The following RIMS1 variants were observed in gnomAD, a reference collection of about 807,000 sequenced individuals.
RIMS1 encodes the protein regulating synaptic membrane exocytosis protein 1.
In RIMS1, 83 loss-of-function variants were observed where a neutral mutation model predicts 214.1. That is an observed-to-expected ratio of 0.39 (90% CI 0.32 to 0.47). RIMS1 has a LOEUF of 0.47. Ranked by LOEUF, RIMS1 falls within the 20% of genes least tolerant of loss-of-function variation. The probability of loss-of-function intolerance (pLI) is 0.99; values close to 1 mark genes in which losing one functional copy is unlikely to be tolerated. For synonymous variants in RIMS1, 793 were observed against 786.8 expected, an observed-to-expected ratio of 1.01 and a Z score of -0.13; for missense variants, 2,050 against 2,161.8, an observed-to-expected ratio of 0.95 and a Z score of 1.03.
chr6:71,917,887 T>C (rs563001282), intron 1 of RIMS1, among the ~76,000 whole-genome samples: 72 of 152,294 alleles, frequency 4.7e-4, no homozygotes, highest in African/African-American at 1.7e-3. Context: ...GTCTATGATG[T>C]TTCCACTTTG....
intron 6 of RIMS1, among the ~76,000 whole-genome samples, chr6:72,183,423 A>G (rs2048631610): frequency 2.0e-5 from 3 of 152,328 alleles, no homozygotes; most frequent in Non-Finnish European, 2.9e-5. Flanking sequence ...TATGCAGTCT[A>G]ATATTTTTAA....
chr6:71,951,481 T>TTTCTTTTTC (rs1287207574), intron 1 of RIMS1, among the ~76,000 whole-genome samples: 5 of 112,672 alleles, frequency 4.4e-5, no homozygotes, highest in African/African-American at 1.2e-4. Flanking sequence ...TCTTTTTCTT[T>TTTCTTTTTC]TTTTTTTTTT....
intron 23 of RIMS1, among the ~76,000 whole-genome samples, chr6:72,282,344 C>A (rs563237390): frequency 7.2e-5 from 11 of 152,078 alleles, no homozygotes; most frequent in African/African-American, 2.7e-4. Flanking sequence ...TCCCAACAAC[C>A]ATGTCTCATT....
At chr6:71,927,520 C>T (rs943783911) in intron 1 of RIMS1, among the ~76,000 whole-genome samples, 4 of 152,036 alleles carry the variant, frequency 2.6e-5, no homozygotes, top group African/African-American at 9.7e-5. Flanking sequence ...AGACAAAATT[C>T]GTTGAAATTC....
intron 4 of RIMS1, among the ~76,000 whole-genome samples, chr6:72,139,075 C>T (rs905904008): frequency 2.0e-4 from 31 of 152,138 alleles, no homozygotes; most frequent in African/African-American, 3.9e-4. Flanking sequence ...GATACACACA[C>T]GTAGGTATAC....
chr6:72,245,806 TTC>T lies in RIMS1; in HGVS notation c.2082-7_2082-6del, dbSNP rs762520799. ...TAATGGGATTTTCACCATATCCTGT[TTC>T]TTTTAGTGACATTCCCCGGATTCCT... On this transcript the variant is annotated splice_polypyrimidine_tract_variant and splice_region_variant and intron_variant, in intron 10 of 33. Transcript: ENST00000521978. The T allele has an allele frequency of 6.2e-7, 1 of 1,606,058 alleles. No individual in the cohort carries two copies. The highest frequency in any genetic ancestry group is 2.2e-5 in the East Asian group (1 of 44,790).
At chr6:72,239,068 C>T (rs2065553585) in intron 9 of RIMS1, among the ~76,000 whole-genome samples, 1 of 151,356 alleles carries the variant, frequency 6.6e-6, no homozygotes, top group Admixed American at 6.6e-5. Context: ...AGGAAAATAA[C>T]TCAATCAGGG....
At chr6:72,005,142 G>A (rs1334019360) in intron 2 of RIMS1, among the ~76,000 whole-genome samples, 1 of 152,076 alleles carries the variant, frequency 6.6e-6, no homozygotes, top group Non-Finnish European at 1.5e-5. Flanking sequence ...TTTCCCCATT[G>A]CTTGTTTTTC....
intron 4 of RIMS1, among the ~76,000 whole-genome samples, chr6:72,119,394 C>A (rs1263242098): frequency 6.6e-6 from 1 of 151,706 alleles, no homozygotes; most frequent in African/African-American, 2.4e-5. Flanking sequence ...ATACCCAAAG[C>A]AATCTACAGA....
intron 2 of RIMS1, among the ~76,000 whole-genome samples, chr6:72,049,035 G>A (rs1823864068): frequency 6.6e-6 from 1 of 152,140 alleles, no homozygotes; most frequent in African/African-American, 2.4e-5. Flanking sequence ...CTCAGAGTGA[G>A]GCTAAAAAGC....
At chr6:71,973,573 C>T (rs1183037389) in intron 2 of RIMS1, among the ~76,000 whole-genome samples, 5 of 152,256 alleles carry the variant, frequency 3.3e-5, no homozygotes, top group African/African-American at 1.2e-4. Flanking sequence ...GGCAGATACC[C>T]CTGTGGCTCT....
intron 2 of RIMS1, among the ~76,000 whole-genome samples, chr6:72,026,106 A>G (rs1311324649): frequency 6.6e-6 from 1 of 152,188 alleles, no homozygotes; most frequent in Admixed American, 6.5e-5. Flanking sequence ...CCCTGCGTCA[A>G]TGCAGAGAAG....
chr6:72,214,087 A>G (rs970544585), intron 6 of RIMS1, among the ~76,000 whole-genome samples: 15 of 152,202 alleles, frequency 9.9e-5, no homozygotes, highest in African/African-American at 3.6e-4. Context: ...ACTACTATGC[A>G]TGAAAGCTCA....
At chr6:72,201,702 T>C (rs1344320414) in intron 6 of RIMS1, among the ~76,000 whole-genome samples, 2 of 152,214 alleles carry the variant, frequency 1.3e-5, no homozygotes, top group Non-Finnish European at 2.9e-5. Flanking sequence ...ATTTACTCAG[T>C]CCTTCTACTT....
intron 4 of RIMS1, among the ~76,000 whole-genome samples, chr6:72,102,149 A>G (rs548914853): frequency 6.6e-6 from 1 of 152,078 alleles, no homozygotes; most frequent in Admixed American, 6.6e-5. Context: ...AATATTTAAC[A>G]CTTTGCTGCT....
At chr6:72,227,223 T>C (rs1261586874) in intron 6 of RIMS1, among the ~76,000 whole-genome samples, 1 of 151,990 alleles carries the variant, frequency 6.6e-6, no homozygotes, top group East Asian at 1.9e-4. Context: ...ATAAGTAAAC[T>C]GCTGGGTAGA....
At chr6:72,013,463 A>G (rs1415355151) in intron 2 of RIMS1, among the ~76,000 whole-genome samples, 1 of 152,178 alleles carries the variant, frequency 6.6e-6, no homozygotes, top group African/African-American at 2.4e-5. Context: ...GATCCTTACA[A>G]GTAACTAGAG....
chr6:72,148,394 AG>A (rs2043036497), intron 4 of RIMS1, among the ~76,000 whole-genome samples: 1 of 152,170 alleles, frequency 6.6e-6, no homozygotes. Context: ...AGAAAAAAAA[AG>A]ATGTCCCCAT....
rs138173930 is a variant in RIMS1 at position 72,137,383 on chromosome 6, G to A, written c.471+37397G>A. Among the ~76,000 whole-genome samples the A allele has an allele frequency of 5.4e-3, 818 of 152,084 alleles. 5 individuals are homozygous for A. The highest frequency in any genetic ancestry group is 0.018 in the African/African-American group (759 of 41,526). ...GTTAGTACTTTTCTTGGAATCTTGT[G>A]AACATGATACATATAAATTAACATT... On this transcript the variant is annotated intron_variant, in intron 4 of 33. Coordinates refer to ENST00000521978, the MANE Select transcript of RIMS1 (RefSeq NM_014989.7).
Sources: allele counts gnomAD v4.1 joint callset (sites outside exome capture counted in the v4.1 genomes callset), GRCh38; gene constraint gnomAD v4.1.1; transcripts MANE v1.5; gene names NCBI Gene and HGNC (gene_info 2026-07-23, HGNC 2026-07-21).